Variants in CLRN3 observed in about 807,000 individuals in gnomAD.
CLRN3 encodes the protein clarin 3, also known as clarin-3.
A neutral mutation model predicts 16.7 loss-of-function variants in CLRN3; 12 were observed. That is an observed-to-expected ratio of 0.72 (90% CI 0.46 to 1.16). The LOEUF is 1.16. CLRN3 is among the 50% of genes most tolerant of loss of function. The pLI is 0.00. For synonymous variants in CLRN3, 118 were observed against 113.0 expected, an observed-to-expected ratio of 1.04 and a Z score of -0.28; for missense variants, 296 against 274.2, an observed-to-expected ratio of 1.08 and a Z score of -0.56.
intron 1 of CLRN3, among the ~76,000 whole-genome samples, chr10:127,891,889 T>G (rs1445203346): frequency 6.6e-6 from 1 of 152,236 alleles, no homozygotes; most frequent in East Asian, 1.9e-4. Context: ...AACATGAAGG[T>G]AGGTTATCAA....
Position 127,877,879 on chromosome 10 carries a change from G to A in CLRN3, c.*270C>T, listed in dbSNP as rs1306661661. 6 of 399,406 alleles carry A rather than the reference G, an allele frequency of 1.5e-5. No individual in the cohort carries two copies. Among genetic ancestry groups the A allele is most frequent in the East Asian group, 1.4e-4 (3 of 21,594 alleles). The allele number at this position is 399,406 out of a possible 1,614,324, so 24.7% of individuals were successfully genotyped here. A position where few individuals can be genotyped will look rare whatever the true frequency, so the allele number is the denominator to read the frequency against. ...ACACAGCCTTTTATTATTTCAGATC[G>A]TGAGACCAGGTCAGAAGGGTCGTTA... On this transcript the variant is annotated 3_prime_UTR_variant, in exon 3 of 3. Transcript: ENST00000368671.
intron 2 of CLRN3, among the ~76,000 whole-genome samples, chr10:127,879,506 CA>C (rs558833064): frequency 4.6e-5 from 7 of 151,942 alleles, no homozygotes; most frequent in African/African-American, 1.7e-4. Flanking sequence ...TGAACTTGAA[CA>C]AGTCATGTAG....
intron 1 of CLRN3, among the ~76,000 whole-genome samples, chr10:127,891,380 G>A (rs191720688): frequency 6.6e-6 from 1 of 152,360 alleles, no homozygotes; most frequent in African/African-American, 2.4e-5. Context: ...TGTTAAATGT[G>A]TCTGAGGCTT....
chr10:127,888,542 T>C (rs763763611), intron 1 of CLRN3, among the ~76,000 whole-genome samples: 14 of 152,200 alleles, frequency 9.2e-5, no homozygotes, highest in Non-Finnish European at 1.8e-4. Flanking sequence ...AAGGTCTATT[T>C]TTCTAATTAT....
In CLRN3 at chr10:127,878,235, T is replaced by C. The variant is rs1845081783; in HGVS notation, c.595A>G (p.Ile199Val). The C allele has an allele frequency of 6.2e-7, 1 of 1,613,974 alleles. No homozygotes were observed. The highest frequency in any genetic ancestry group is 1.1e-5 in the South Asian group (1 of 91,084). ...TGGTATCTGGCCTTCTGGTAGAAAATGATGATGGTTACAGTGACTATATTT... is the reference window on the plus strand; with the variant it reads ...TGGTATCTGGCCTTCTGGTAGAAAACGATGATGGTTACAGTGACTATATTT... ...LLNIVTVTIIIFYQKARYQRK... is the reference protein window; with the variant it reads ...LLNIVTVTIIVFYQKARYQRK... The change falls in exon 3 of 3, where the codon ATT becomes GTT. Residue 199 changes from isoleucine (I) to valine (V), a missense_variant. By Grantham distance (29) the Ile-to-Val change is conservative. Coordinates refer to ENST00000368671, the MANE Select transcript of CLRN3 (RefSeq NM_152311.5).
chr10:127,878,713 T>C (rs1290513855), intron 2 of CLRN3, among the ~76,000 whole-genome samples: 2 of 152,226 alleles, frequency 1.3e-5, no homozygotes, highest in Non-Finnish European at 2.9e-5. Context: ...AGGTGGTGAA[T>C]GCAGTAGTGT....
At chr10:127,891,306 G>A (rs1159401498) in intron 1 of CLRN3, among the ~76,000 whole-genome samples, 1 of 152,198 alleles carries the variant, frequency 6.6e-6, no homozygotes, top group East Asian at 1.9e-4. Context: ...GAAATCAACT[G>A]GTTCCAAACA....
chr10:127,887,714 T>C (rs765845599), intron 1 of CLRN3, among the ~76,000 whole-genome samples: 1 of 152,200 alleles, frequency 6.6e-6, no homozygotes, highest in Admixed American at 6.5e-5. Context: ...ACTTAGACAA[T>C]ACAAGCTGAA....
chr10:127,884,346 G>T (rs1320315231), intron 1 of CLRN3, among the ~76,000 whole-genome samples: 3 of 152,210 alleles, frequency 2.0e-5, no homozygotes, highest in Non-Finnish European at 1.5e-5. Flanking sequence ...GTGGCATCTG[G>T]GGTAATTGCA....
At chr10:127,885,633 G>C (rs1845184644) in intron 1 of CLRN3, among the ~76,000 whole-genome samples, 1 of 152,084 alleles carries the variant, frequency 6.6e-6, no homozygotes, top group African/African-American at 2.4e-5. Flanking sequence ...CTGGAGTGCA[G>C]TGGCAAGATC....
chr10:127,884,990 G>C (rs978340455), intron 1 of CLRN3, among the ~76,000 whole-genome samples: 1 of 152,236 alleles, frequency 6.6e-6, no homozygotes, highest in Non-Finnish European at 1.5e-5. Flanking sequence ...GGGAACAGGT[G>C]GGTAAAAACA....
chr10:127,891,124 G>A (rs1845253468), intron 1 of CLRN3, among the ~76,000 whole-genome samples: 1 of 152,144 alleles, frequency 6.6e-6, no homozygotes, highest in Non-Finnish European at 1.5e-5. Context: ...CCTGGCCCTG[G>A]GCCCCTTCAG....
intron 1 of CLRN3, among the ~76,000 whole-genome samples, chr10:127,886,944 G>A (rs1405326739): frequency 1.3e-5 from 2 of 152,230 alleles, no homozygotes; most frequent in Admixed American, 6.5e-5. Flanking sequence ...CCTGTTGCCT[G>A]GGCAGGGACG....
At chr10:127,883,129 A>G (rs1001303860) in intron 2 of CLRN3, among the ~76,000 whole-genome samples, 3 of 152,180 alleles carry the variant, frequency 2.0e-5, no homozygotes, top group Admixed American at 6.5e-5. Flanking sequence ...AGCCCACAAA[A>G]AAGGTATTGC....
intron 1 of CLRN3, among the ~76,000 whole-genome samples, chr10:127,890,099 T>C (rs1591262930): frequency 1.3e-5 from 2 of 152,370 alleles, no homozygotes; most frequent in Admixed American, 1.3e-4. Context: ...TCACACTGAA[T>C]GGTGAGCCCT....
intron 2 of CLRN3, among the ~76,000 whole-genome samples, chr10:127,880,640 G>T (rs1206513612): frequency 6.6e-6 from 1 of 152,164 alleles, no homozygotes; most frequent in East Asian, 1.9e-4. Flanking sequence ...GCCTCATCAG[G>T]TCAGTGTGGT....
At chr10:127,885,571 TTCTC>T (rs1845183599) in intron 1 of CLRN3, among the ~76,000 whole-genome samples, 1 of 152,056 alleles carries the variant, frequency 6.6e-6, no homozygotes, top group African/African-American at 2.4e-5. Context: ...CTATTTCTCT[TTCTC>T]TCTTTTTCTT....
At chr10:127,879,780 C>T (rs1029577756) in intron 2 of CLRN3, among the ~76,000 whole-genome samples, 8 of 152,080 alleles carry the variant, frequency 5.3e-5, no homozygotes, top group Non-Finnish European at 7.4e-5. Context: ...ACTCATGTGT[C>T]AATAAAGCTG....
At chr10:127,886,714 C>T (rs965089002) in intron 1 of CLRN3, among the ~76,000 whole-genome samples, 1 of 152,222 alleles carries the variant, frequency 6.6e-6, no homozygotes, top group Admixed American at 6.5e-5. Context: ...AGCTCAGTGG[C>T]ATGAGGACGA....
Sources: allele counts gnomAD v4.1 joint callset (sites outside exome capture counted in the v4.1 genomes callset), GRCh38; gene constraint gnomAD v4.1.1; transcripts MANE v1.5; gene names NCBI Gene and HGNC (gene_info 2026-07-23, HGNC 2026-07-21).